Variants in RGS20 observed in about 807,000 individuals in gnomAD.
RGS20 encodes regulator of G protein signaling 20, also known as gz-selective GTPase-activating protein.
RGS20 carries 30 observed loss-of-function variants against 33.6 expected under a neutral mutation model. The observed-to-expected ratio is 0.89, with a 90% CI of 0.67 to 1.21. The LOEUF is 1.21. RGS20 is among the 50% of genes most tolerant of loss of function. The probability of loss-of-function intolerance (pLI) is 0.00; values close to 1 mark genes in which losing one functional copy is unlikely to be tolerated. For synonymous variants in RGS20, 208 were observed against 197.9 expected, an observed-to-expected ratio of 1.05 and a Z score of -0.43; for missense variants, 472 against 502.4, an observed-to-expected ratio of 0.94 and a Z score of 0.58.
chr8:53,897,271 A>T lies in RGS20; in HGVS notation c.510+17669A>T, dbSNP rs551737247. Among the ~76,000 whole-genome samples the T allele has an allele frequency of 3.9e-5, 6 of 152,338 alleles. No homozygotes were observed. In the East Asian group the frequency reaches 5.8e-4, roughly 15 times the overall value. ...TCTGTTAAGATTTGTGCCCAGCACA[A>T]GCAGACTGGGCTAGGGCTGCCCTGG... On this transcript the variant is annotated intron_variant, in intron 2 of 5. Coordinates refer to ENST00000297313, the MANE Select transcript of RGS20 (RefSeq NM_170587.4).
At chr8:53,859,201 C>T (rs553263975) in intron 1 of RGS20, among the ~76,000 whole-genome samples, 14 of 152,214 alleles carry the variant, frequency 9.2e-5, no homozygotes, top group African/African-American at 2.2e-4. Flanking sequence ...AAATAACAAA[C>T]GAACAAACTT....
chr8:53,899,569 C>G (rs557761711), intron 2 of RGS20, among the ~76,000 whole-genome samples: 3 of 152,208 alleles, frequency 2.0e-5, no homozygotes, highest in African/African-American at 7.2e-5. Flanking sequence ...CGTCAACCAC[C>G]AAGTCCCTTC....
At chr8:53,891,408 C>T (rs141662846) in intron 2 of RGS20, among the ~76,000 whole-genome samples, 155 of 152,246 alleles carry the variant, frequency 1.0e-3, no homozygotes, top group African/African-American at 3.5e-3. Flanking sequence ...CACTTGAGGT[C>T]AGGATTTCGA....
intron 2 of RGS20, among the ~76,000 whole-genome samples, chr8:53,887,702 C>T (rs763354262): frequency 6.6e-6 from 1 of 152,180 alleles, no homozygotes; most frequent in Non-Finnish European, 1.5e-5. Context: ...TGTGGCCAGG[C>T]GTGGTGGCTC....
intron 4 of RGS20, 46 bp downstream of exon 3, chr8:53,946,794 T>C: frequency 6.8e-7 from 1 of 1,468,720 alleles, no homozygotes; most frequent in Non-Finnish European, 9.5e-7. Flanking sequence ...ACAGAAATAC[T>C]AACCTCTTTC....
chr8:53,952,779 T>C (rs1431062551), intron 4 of RGS20, among the ~76,000 whole-genome samples: 4 of 152,108 alleles, frequency 2.6e-5, no homozygotes, highest in Admixed American at 2.0e-4. Context: ...CAGGATTACA[T>C]ACATACATTT....
At chr8:53,908,442 C>A (rs968095192) in intron 2 of RGS20, among the ~76,000 whole-genome samples, 3 of 152,230 alleles carry the variant, frequency 2.0e-5, no homozygotes, top group Admixed American at 2.0e-4. Flanking sequence ...GAGTTTGAGA[C>A]CAGCCTGGGC....
intron 2 of RGS20, among the ~76,000 whole-genome samples, chr8:53,922,382 A>C (rs887350819): frequency 6.6e-6 from 1 of 151,760 alleles, no homozygotes; most frequent in African/African-American, 2.4e-5. Context: ...CTTTCTATCT[A>C]TTTGCATTTT....
intron 2 of RGS20, among the ~76,000 whole-genome samples, chr8:53,934,995 T>G (rs1250310386): frequency 6.6e-6 from 1 of 152,144 alleles, no homozygotes; most frequent in African/African-American, 2.4e-5. Flanking sequence ...CTGAACAACC[T>G]GCTCTTGAAT....
chr8:53,947,327 T>C (rs1481675825), intron 4 of RGS20, among the ~76,000 whole-genome samples: 1 of 140,244 alleles, frequency 7.1e-6, no homozygotes, highest in African/African-American at 2.6e-5. Context: ...ATATTATATA[T>C]GCTATATATA....
intron 1 of RGS20, among the ~76,000 whole-genome samples, chr8:53,856,295 A>G (rs769248103): frequency 4.5e-4 from 68 of 150,612 alleles, no homozygotes; most frequent in African/African-American, 1.6e-3. Context: ...AGCTGACTGC[A>G]ACCTCCACCT....
At chr8:53,957,917 C>T (rs1213288851) in intron 5 of RGS20, among the ~76,000 whole-genome samples, 2 of 152,034 alleles carry the variant, frequency 1.3e-5, no homozygotes, top group Admixed American at 6.6e-5. Context: ...GAGGCCGAGG[C>T]GGGCGGATAA....
intron 2 of RGS20, among the ~76,000 whole-genome samples, chr8:53,928,433 T>G (rs1813862499): frequency 6.6e-6 from 1 of 152,206 alleles, no homozygotes; most frequent in Non-Finnish European, 1.5e-5. Flanking sequence ...TACACTTACT[T>G]ATCGAATCTT....
chr8:53,887,221 T>A lies in RGS20; in HGVS notation c.510+7619T>A, dbSNP rs144133468. ...CTTATGCTTATTCTTGGGAGTCGTGTAAGATTTCTTCCTAGTTTTAGCACT... is the reference window on the plus strand; with the variant it reads ...CTTATGCTTATTCTTGGGAGTCGTGAAAGATTTCTTCCTAGTTTTAGCACT... On this transcript the variant is annotated intron_variant, in intron 2 of 5. Coordinates refer to ENST00000297313, the MANE Select transcript of RGS20 (RefSeq NM_170587.4). 795 of 160,632 alleles carry A rather than the reference T, an allele frequency of 4.9e-3. 6 individuals carry two copies. The highest frequency in any genetic ancestry group is 0.018 in the African/African-American group (768 of 41,700). 10.0% of individuals were successfully genotyped at this position (160,632 alleles called of 1,614,324 possible). A position where few individuals can be genotyped will look rare whatever the true frequency, so the allele number is the denominator to read the frequency against.
intron 1 of RGS20, among the ~76,000 whole-genome samples, chr8:53,874,017 G>A (rs1162873299): frequency 6.6e-6 from 1 of 152,066 alleles, no homozygotes; most frequent in Non-Finnish European, 1.5e-5. Flanking sequence ...TGGCCAACAT[G>A]ATGAAACCCT....
At chr8:53,890,606 G>A (rs1812687261) in intron 2 of RGS20, among the ~76,000 whole-genome samples, 1 of 152,208 alleles carries the variant, frequency 6.6e-6, no homozygotes, top group Admixed American at 6.5e-5. Context: ...AGGCCAGCAG[G>A]TATTAGAATG....
chr8:53,925,383 T>TA (rs924538466), intron 2 of RGS20, among the ~76,000 whole-genome samples: 57 of 147,130 alleles, frequency 3.9e-4, no homozygotes, highest in African/African-American at 1.2e-3. Context: ...AAACCAGGAG[T>TA]AAAAAAAAAA....
intron 2 of RGS20, among the ~76,000 whole-genome samples, chr8:53,930,581 T>C (rs1322923126): frequency 6.6e-6 from 1 of 152,220 alleles, no homozygotes; most frequent in Non-Finnish European, 1.5e-5. Context: ...AGAGTCTCAC[T>C]GTTGCCGAGG....
At chr8:53,875,076 C>T (rs1393879182) in intron 1 of RGS20, among the ~76,000 whole-genome samples, 1 of 152,140 alleles carries the variant, frequency 6.6e-6, no homozygotes, top group Non-Finnish European at 1.5e-5. Context: ...GTGAAGACTG[C>T]AAGAGGAGAA....
Sources: allele counts gnomAD v4.1 joint callset (sites outside exome capture counted in the v4.1 genomes callset), GRCh38; gene constraint gnomAD v4.1.1; transcripts MANE v1.5; gene names NCBI Gene and HGNC (gene_info 2026-07-23, HGNC 2026-07-21).